The following IFNAR2 variants were observed in gnomAD, a reference collection of about 807,000 sequenced individuals.
IFNAR2 encodes the protein interferon alpha/beta receptor 2.
Under a neutral mutation model 49.4 loss-of-function variants are expected in IFNAR2, and 30 were observed. That is an observed-to-expected ratio of 0.61 (90% CI 0.45 to 0.82). IFNAR2 has a LOEUF of 0.82. Among genes scored for constraint, IFNAR2 ranks in the 40% least tolerant of loss-of-function variants. The probability of loss-of-function intolerance (pLI) is 0.00; values close to 1 mark genes in which losing one functional copy is unlikely to be tolerated. For missense variants in IFNAR2, 600 were observed against 622.7 expected, an observed-to-expected ratio of 0.96 and a Z score of 0.39; for synonymous variants, 224 against 234.5, an observed-to-expected ratio of 0.96 and a Z score of 0.41.
intron 7 of IFNAR2, among the ~76,000 whole-genome samples, chr21:33,253,652 CTA>C (rs1173994607): frequency 6.6e-6 from 1 of 152,190 alleles, no homozygotes; most frequent in African/African-American, 2.4e-5. Context: ...AATGACTACT[CTA>C]TAGACAGAGC....
chr21:33,248,963 T>G, intron 6 of IFNAR2, 109 bp downstream of exon 6: 3 of 786,502 alleles, frequency 3.8e-6, no homozygotes, highest in Non-Finnish European at 6.1e-6. Context: ...AGCTAAAACG[T>G]CAGGCTTCAG....
intron 1 of IFNAR2, among the ~76,000 whole-genome samples, chr21:33,236,148 G>A (rs992578546): frequency 1.3e-5 from 2 of 152,042 alleles, no homozygotes; most frequent in African/African-American, 4.8e-5. Context: ...TTGCAAAGAG[G>A]AAGAGAGGGT....
chr21:33,239,681 C>T lies in IFNAR2; in HGVS notation c.-83-2159C>T, dbSNP rs117489085. 3.4e-3 allele frequency among the ~76,000 whole-genome samples: 487 copies of T among 144,026 alleles called. 4 individuals carry two copies. The highest frequency in any genetic ancestry group is 0.032 in the East Asian group (158 of 4,862). The allele number at this position is 144,026 out of a possible 152,430, so 94.5% of individuals were successfully genotyped here. On this transcript the variant is annotated intron_variant, in intron 1 of 8. Coordinates refer to ENST00000342136, the MANE Select transcript of IFNAR2 (RefSeq NM_001289125.3). ...AATGTTGTGAGCTACAGGTTCTATA[C>T]CCTCCATTCTGCAGACCCAGAATGT...
At chr21:33,231,572 A>T in intron 1 of IFNAR2, 1 of 319,008 alleles carries the variant, frequency 3.1e-6, no homozygotes, top group Non-Finnish European at 4.5e-6. Context: ...GTACTGTCAT[A>T]GACGTGAAAC....
Position 33,241,820 on chromosome 21 carries a change from TCC to T in IFNAR2, c.-83-18_-83-17del. ...AGGTCTCTCATTATCTTGTCTTTGC[TCC>T]CATTTTTATATTTGCAGTTTAATTA... On this transcript the variant is annotated intron_variant, in intron 1 of 8. Transcript: ENST00000342136. 1.3e-6 allele frequency: 2 copies of T among 1,552,420 alleles called. No individual in the cohort carries two copies. The highest frequency in any genetic ancestry group is 8.7e-7 in the Non-Finnish European group (1 of 1,145,988).
intron 1 of IFNAR2, among the ~76,000 whole-genome samples, chr21:33,234,243 G>A (rs1986282011): frequency 6.8e-6 from 1 of 146,448 alleles, no homozygotes; most frequent in African/African-American, 2.6e-5. Context: ...AGAAAGATCT[G>A]TGGGATTATG....
At position 33,246,884 on chromosome 21, in the gene IFNAR2, A is replaced by G. The variant is rs1334315234; in HGVS notation, c.388A>G (p.Ile130Val). ...FSCSHNFWLA[I>V]DMSFEPPEFE... is the part of the protein sequence containing the mutation. ...TTGCTCACACAATTTCTGGCTGGCC[A>G]TAGACAGTGAGTTTTATCTCTGTTT... Residue 130 changes from isoleucine (I) to valine (V), a missense_variant, in exon 5 of 9, where the codon ATA (isoleucine) becomes GTA (valine). Coordinates refer to ENST00000342136, the MANE Select transcript of IFNAR2 (RefSeq NM_001289125.3). 4.3e-6 allele frequency: 7 copies of G among 1,612,906 alleles called. No individual in the cohort carries two copies. The highest frequency in any genetic ancestry group is 2.7e-5 in the African/African-American group (2 of 74,914).
intron 6 of IFNAR2, chr21:33,251,581 C>G: frequency 1.0e-6 from 1 of 985,356 alleles, no homozygotes; most frequent in Non-Finnish European, 1.2e-6. Flanking sequence ...TTACTAACTC[C>G]TCCTCCCAAA....
rs758797322 is a variant in IFNAR2 at position 33,263,087 on chromosome 21, A to G, written c.1135A>G (p.Thr379Ala). 6.2e-7 allele frequency: 1 copy of G among 1,614,148 alleles called. No homozygotes were observed. Among genetic ancestry groups the G allele is most frequent in the East Asian group, 2.2e-5 (1 of 44,882 alleles). Residue 379 changes from threonine to alanine, a missense_variant, in exon 9 of 9, where the codon ACG (threonine) becomes GCG (alanine). Thr to Ala is a moderately conservative substitution (Grantham distance 58). Coordinates refer to ENST00000342136, the MANE Select transcript of IFNAR2 (RefSeq NM_001289125.3). The stretch of plus-strand genomic sequence containing the variant: ...GCCTGAGGTTGATGTGGAGCTCCCC[A>G]CGATGCCAAAGGACAGCCCTCAGCA... ...DLPEVDVELP[T>A]MPKDSPQQLE...
intron 5 of IFNAR2, 88 bp downstream of exon 5, chr21:33,246,978 T>C: frequency 8.7e-7 from 1 of 1,152,208 alleles, no homozygotes; most frequent in Middle Eastern, 2.0e-4. Flanking sequence ...TCTACAAAGG[T>C]GTTTTAGACC....
chr21:33,263,655 C>A lies in IFNAR2; in HGVS notation c.*155C>A. On this transcript the variant is annotated 3_prime_UTR_variant, in exon 9 of 9. Transcript: ENST00000342136. ...TCTTCCAGGTGACATCACCTATGCA[C>A]ATTCCCAGTATGGGGACCATAGTAT... 1.5e-6 allele frequency: 1 copy of A among 652,756 alleles called. No homozygotes were observed. The highest frequency in any genetic ancestry group is 2.6e-6 in the Non-Finnish European group (1 of 385,332). The allele number at this position is 652,756 out of a possible 1,614,324, so 40.4% of individuals were successfully genotyped here.
intron 1 of IFNAR2, chr21:33,236,699 A>C: frequency 2.0e-6 from 2 of 985,360 alleles, no homozygotes; most frequent in Non-Finnish European, 2.4e-6. Context: ...CTGGGAGCCT[A>C]AACTGCAGGA....
intron 7 of IFNAR2, among the ~76,000 whole-genome samples, chr21:33,260,350 C>T (rs1318792408): frequency 6.6e-6 from 1 of 152,224 alleles, no homozygotes; most frequent in Non-Finnish European, 1.5e-5. Context: ...GGCTACTCCA[C>T]TGTACAGTGC....
In IFNAR2 at chr21:33,246,826, A is replaced by T. The variant is rs1225898424; in HGVS notation, c.330A>T (p.Leu110=). The part of the protein sequence containing the change: ...RSTHEAYVTV[L]EGFSGNTTLF... ...CACACGAGGCCTATGTCACCGTCCTAGAAGGATTCAGCGGGAACACAACGT... is the reference window on the plus strand; with the variant it reads ...CACACGAGGCCTATGTCACCGTCCTTGAAGGATTCAGCGGGAACACAACGT... Residue 110 remains leucine (L), a synonymous_variant, in exon 5 of 9, where the codon CTA becomes CTT. Coordinates refer to ENST00000342136, the MANE Select transcript of IFNAR2 (RefSeq NM_001289125.3). The T allele has an allele frequency of 6.2e-7, 1 of 1,614,222 alleles. No homozygotes were observed. The highest frequency in any genetic ancestry group is 8.5e-7 in the Non-Finnish European group (1 of 1,180,008).
chr21:33,262,210 C>A (rs771257768), intron 8 of IFNAR2, among the ~76,000 whole-genome samples: 1 of 151,782 alleles, frequency 6.6e-6, no homozygotes, highest in Non-Finnish European at 1.5e-5. Context: ...ACTAAAAATA[C>A]AAAAATTTGC....
chr21:33,236,831 A>G, intron 1 of IFNAR2: 2 of 984,554 alleles, frequency 2.0e-6, no homozygotes, highest in Non-Finnish European at 2.4e-6. Context: ...GGATCCTTCT[A>G]GCTGCAGGGC....
At chr21:33,233,513 A>G (rs1375303671) in intron 1 of IFNAR2, among the ~76,000 whole-genome samples, 1 of 152,236 alleles carries the variant, frequency 6.6e-6, no homozygotes. Context: ...AATTCAAAGA[A>G]AAAGATTTAG....
chr21:33,237,078 GGTGTGTGTGTGT>G (rs34322078), intron 1 of IFNAR2, among the ~76,000 whole-genome samples: 2 of 147,590 alleles, frequency 1.4e-5, no homozygotes, highest in African/African-American at 5.0e-5. Context: ...GGGAGAATGG[GGTGTGTGTGTGT>G]GTGTGTGTGT....
intron 4 of IFNAR2, among the ~76,000 whole-genome samples, chr21:33,245,641 A>G (rs1464259713): frequency 1.3e-5 from 2 of 152,202 alleles, no homozygotes; most frequent in African/African-American, 4.8e-5. Flanking sequence ...TCGTGACATA[A>G]TGGATGGAGT....
Sources: allele counts gnomAD v4.1 joint callset (sites outside exome capture counted in the v4.1 genomes callset), GRCh38; gene constraint gnomAD v4.1.1; transcripts MANE v1.5; gene names NCBI Gene and HGNC (gene_info 2026-07-23, HGNC 2026-07-21).